Variants in HIKESHI observed in about 807,000 individuals in gnomAD.
HIKESHI encodes the protein protein Hikeshi.
In HIKESHI, 13 loss-of-function variants were observed where a neutral mutation model predicts 25.7. That is an observed-to-expected ratio of 0.51 (90% CI 0.33 to 0.80). HIKESHI has a LOEUF of 0.80. HIKESHI is among the 30% of genes least tolerant of loss of function. The probability of loss-of-function intolerance (pLI) is 0.02; values close to 1 mark genes in which losing one functional copy is unlikely to be tolerated. For synonymous variants in HIKESHI, 76 were observed against 78.7 expected, an observed-to-expected ratio of 0.97 and a Z score of 0.18; for missense variants, 174 against 229.5, an observed-to-expected ratio of 0.76 and a Z score of 1.56.
At chr11:86,332,140 T>A (rs1163246704) in intron 2 of HIKESHI, among the ~76,000 whole-genome samples, 2 of 152,060 alleles carry the variant, frequency 1.3e-5, no homozygotes, top group African/African-American at 2.4e-5. Flanking sequence ...TATTTTTATT[T>A]TTTTTAGTAG....
At chr11:86,322,475 A>G (rs943723605) in intron 2 of HIKESHI, among the ~76,000 whole-genome samples, 1 of 152,074 alleles carries the variant, frequency 6.6e-6, no homozygotes, top group African/African-American at 2.4e-5. Context: ...ACATGTGTAT[A>G]TATATTCTTG....
At chr11:86,332,263 C>T (rs1947447036) in intron 2 of HIKESHI, among the ~76,000 whole-genome samples, 1 of 152,060 alleles carries the variant, frequency 6.6e-6, no homozygotes, top group African/African-American at 2.4e-5. Context: ...CGTGCCCGGC[C>T]CGTAACTGTT....
Position 86,304,623 on chromosome 11 carries a change from C to T in HIKESHI, c.31-1622C>T, listed in dbSNP as rs575112260. Among the ~76,000 whole-genome samples, 4 of 148,688 alleles carry T rather than the reference C, an allele frequency of 2.7e-5. No individual in the cohort carries two copies. The South Asian group carries it at 8.5e-4, about 32-fold the overall frequency. ...CCTCCGCCTCCAGGTTCAAGCAATTCTCATGCCTCAGCCTCCTGAGTAGCT... is the reference window on the plus strand; with the variant it reads ...CCTCCGCCTCCAGGTTCAAGCAATTTTCATGCCTCAGCCTCCTGAGTAGCT... On this transcript the variant is annotated intron_variant, in intron 1 of 4. Coordinates refer to ENST00000278483, the MANE Select transcript of HIKESHI (RefSeq NM_016401.4).
At chr11:86,308,240 A>T (rs1023719743) in intron 2 of HIKESHI, among the ~76,000 whole-genome samples, 19 of 115,286 alleles carry the variant, frequency 1.6e-4, no homozygotes, top group African/African-American at 7.0e-4. Flanking sequence ...TATATATTAT[A>T]TATAAAATAT....
At chr11:86,313,369 T>G (rs189473451) in intron 2 of HIKESHI, among the ~76,000 whole-genome samples, 2 of 152,254 alleles carry the variant, frequency 1.3e-5, no homozygotes, top group East Asian at 3.9e-4. Context: ...TACTTGGGAT[T>G]ACAGGCACCC....
intron 2 of HIKESHI, 24 bp downstream of exon 2, chr11:86,306,506 T>A: frequency 7.2e-7 from 1 of 1,389,478 alleles, no homozygotes; most frequent in Non-Finnish European, 1.0e-6. Flanking sequence ...ATTAAAGTAG[T>A]TTTATAATTA....
At chr11:86,324,378 T>G (rs1947223805) in intron 2 of HIKESHI, 1 of 152,228 alleles carries the variant, frequency 6.6e-6, no homozygotes, top group African/African-American at 2.4e-5. Flanking sequence ...CATAGTTTTA[T>G]TCATGAAAAC....
At chr11:86,333,581 T>A (rs1947475365) in intron 2 of HIKESHI, among the ~76,000 whole-genome samples, 3 of 151,464 alleles carry the variant, frequency 2.0e-5, no homozygotes, top group South Asian at 4.2e-4. Context: ...AAAAGAAATA[T>A]GGTATTCTAC....
intron 2 of HIKESHI, among the ~76,000 whole-genome samples, chr11:86,318,397 C>T (rs1947055191): frequency 6.6e-6 from 1 of 150,950 alleles, no homozygotes; most frequent in Non-Finnish European, 1.5e-5. Flanking sequence ...CTTCCTTCCT[C>T]ATGCAGCCAT....
At chr11:86,334,311 C>G (rs1947491482) in intron 2 of HIKESHI, among the ~76,000 whole-genome samples, 2 of 149,542 alleles carry the variant, frequency 1.3e-5, no homozygotes, top group East Asian at 2.0e-4. Flanking sequence ...ATGATGGTGA[C>G]TGCTTTTCCT....
At position 86,302,322 on chromosome 11, in the gene HIKESHI, A is replaced by G. The variant is rs1946514873; in HGVS notation, c.-127A>G. ...CATTCTTGCCGCTGGCCCAGTCACT[A>G]TGTAGTGGAGGGGCAGACACCCTCC... On this transcript the variant is annotated 5_prime_UTR_variant, in exon 1 of 5. It removes an upstream start codon present in the reference 5' UTR. Transcript: ENST00000278483. 8.8e-7 allele frequency: 1 copy of G among 1,130,210 alleles called. No individual in the cohort carries two copies. Among genetic ancestry groups the G allele is most frequent in the African/African-American group, 1.5e-5 (1 of 65,182 alleles). 70.0% of individuals were successfully genotyped at this position (1,130,210 alleles called of 1,614,324 possible).
At chr11:86,341,995 GT>G (rs966480419) in intron 3 of HIKESHI, among the ~76,000 whole-genome samples, 2 of 152,232 alleles carry the variant, frequency 1.3e-5, no homozygotes, top group Non-Finnish European at 2.9e-5. Context: ...AAATGAGCCA[GT>G]TTTTTTCATT....
chr11:86,317,052 A>G (rs908886130), intron 2 of HIKESHI, among the ~76,000 whole-genome samples: 2 of 152,042 alleles, frequency 1.3e-5, no homozygotes, highest in Non-Finnish European at 2.9e-5. Flanking sequence ...TTGGCCTCCC[A>G]AAGTGCTGGG....
intron 1 of HIKESHI, among the ~76,000 whole-genome samples, chr11:86,304,817 A>G (rs1946580196): frequency 6.7e-6 from 1 of 149,442 alleles, no homozygotes; most frequent in African/African-American, 2.5e-5. Flanking sequence ...TGCCAGGCCT[A>G]CAACTCACAT....
intron 2 of HIKESHI, chr11:86,326,465 A>C (rs1196012552): frequency 2.2e-6 from 1 of 454,720 alleles, no homozygotes; most frequent in East Asian, 6.9e-5. Flanking sequence ...ACAGAAGAAA[A>C]ATTTTCTGTT....
intron 2 of HIKESHI, among the ~76,000 whole-genome samples, chr11:86,319,969 G>A (rs1230329344): frequency 1.3e-5 from 2 of 152,112 alleles, no homozygotes; most frequent in Non-Finnish European, 2.9e-5. Context: ...TGTAAAGTCT[G>A]TAGAGATAAA....
intron 3 of HIKESHI, among the ~76,000 whole-genome samples, chr11:86,339,717 T>G (rs904472843): frequency 2.0e-5 from 3 of 152,236 alleles, no homozygotes; most frequent in Admixed American, 2.0e-4. Context: ...TTTTTATGAG[T>G]ATTACATGTA....
At chr11:86,306,986 C>T (rs291249) in intron 2 of HIKESHI, among the ~76,000 whole-genome samples, 78,825 of 138,958 alleles carry the variant, frequency 0.57, 22,829 homozygotes, top group East Asian at 0.78. Flanking sequence ...GGTGACAGAG[C>T]GAGACTCTGT....
At chr11:86,332,422 G>T (rs892614772) in intron 2 of HIKESHI, among the ~76,000 whole-genome samples, 3 of 151,756 alleles carry the variant, frequency 2.0e-5, no homozygotes, top group African/African-American at 7.3e-5. Flanking sequence ...AGGTCTTAAA[G>T]AACAGAGAGG....
Sources: allele counts gnomAD v4.1 joint callset (sites outside exome capture counted in the v4.1 genomes callset), GRCh38; gene constraint gnomAD v4.1.1; transcripts MANE v1.5; gene names NCBI Gene and HGNC (gene_info 2026-07-23, HGNC 2026-07-21).